HHAT: variants seen among roughly 807,000 people sequenced by gnomAD.
The protein encoded by HHAT is protein-cysteine N-palmitoyltransferase HHAT.
Under a neutral mutation model 70.8 loss-of-function variants are expected in HHAT, and 47 were observed. The observed-to-expected ratio is 0.66, with a 90% CI of 0.53 to 0.85. The LOEUF (loss-of-function observed/expected upper bound fraction) is 0.85, where lower values mean the gene tolerates loss of function less well. Ranked by LOEUF, HHAT falls within the 40% of genes least tolerant of loss-of-function variation. The pLI is 0.00. For missense variants in HHAT, 609 were observed against 604.8 expected (o/e 1.01, Z -0.07); for synonymous variants, 228 against 247.6 (o/e 0.92, Z 0.74).
chr1:210,509,835 T>C lies in HHAT; in HGVS notation c.1008-3318T>C, dbSNP rs977269029. Among the ~76,000 whole-genome samples, 3 of 152,222 alleles carry C rather than the reference T, an allele frequency of 2.0e-5. No individual in the cohort carries two copies. In the South Asian group the frequency reaches 6.2e-4, roughly 32 times the overall value. ...AAAGCTTGTGTATATTCTACTCATA[T>C]CTTGTAGTCATTGCAAAGGCTCTTA... On this transcript the variant is annotated intron_variant, in intron 8 of 11. Transcript: ENST00000261458.
chr1:210,659,201 AAAG>A (rs1299820165), intron 11 of HHAT, among the ~76,000 whole-genome samples: 6 of 152,246 alleles, frequency 3.9e-5, no homozygotes, highest in African/African-American at 1.4e-4. Context: ...CAAGACTAAC[AAAG>A]AAGAAAACAG....
At chr1:210,620,574 T>C (rs1347558161) in intron 10 of HHAT, among the ~76,000 whole-genome samples, 1 of 152,192 alleles carries the variant, frequency 6.6e-6, no homozygotes, top group African/African-American at 2.4e-5. Flanking sequence ...TGGCTAGTTT[T>C]GTCAGAGGAT....
chr1:210,471,986 G>A lies in HHAT; in HGVS notation c.1007+7331G>A, dbSNP rs183309383. On this transcript the variant is annotated intron_variant, in intron 8 of 11. Coordinates refer to ENST00000261458, the MANE Select transcript of HHAT (RefSeq NM_018194.6). ...TAGTTACTGTAATTACAGATAATCCGGGGAAATGGACAAATATTAAGAACA... is the reference window on the plus strand; with the variant it reads ...TAGTTACTGTAATTACAGATAATCCAGGGAAATGGACAAATATTAAGAACA... Among the ~76,000 whole-genome samples the A allele has an allele frequency of 1.4e-3, 220 of 152,122 alleles. 3 individuals carry two copies. The highest frequency in any genetic ancestry group is 2.9e-4 in the Non-Finnish European group (20 of 68,012).
intron 9 of HHAT, among the ~76,000 whole-genome samples, chr1:210,540,235 C>A (rs1413919111): frequency 6.6e-6 from 1 of 152,132 alleles, no homozygotes; most frequent in Non-Finnish European, 1.5e-5. Flanking sequence ...AGGCAATAAT[C>A]CTGTAATCTG....
intron 4 of HHAT, among the ~76,000 whole-genome samples, chr1:210,395,231 A>C (rs926582): frequency 6.6e-6 from 1 of 152,022 alleles, no homozygotes; most frequent in East Asian, 1.9e-4. Context: ...TCCTCCCTAC[A>C]GAGGTAAACT....
At chr1:210,338,181 A>AT (rs566056207) in intron 1 of HHAT, among the ~76,000 whole-genome samples, 2 of 99,352 alleles carry the variant, frequency 2.0e-5, no homozygotes, top group Non-Finnish European at 4.1e-5. Context: ...ACCCGCCCCC[A>AT]TTTAAAAAAA....
chr1:210,648,447 G>T (rs553729831), intron 11 of HHAT, among the ~76,000 whole-genome samples: 36 of 152,306 alleles, frequency 2.4e-4, no homozygotes, highest in African/African-American at 8.7e-4. Context: ...CCCCAGCAGT[G>T]TACTTGGTGA....
chr1:210,341,346 A>G (rs1337873912), intron 1 of HHAT, among the ~76,000 whole-genome samples: 1 of 152,234 alleles, frequency 6.6e-6, no homozygotes, highest in Admixed American at 6.5e-5. Flanking sequence ...AGTTGCCTGC[A>G]TCAGAAGTAA....
At chr1:210,423,234 A>G (rs77574945) in intron 7 of HHAT, among the ~76,000 whole-genome samples, 3,962 of 152,020 alleles carry the variant, frequency 0.026, 178 homozygotes, top group African/African-American at 0.091. Flanking sequence ...ACCATTTGTT[A>G]TTTTTTTGGC....
rs558921163 is a variant in HHAT, at chr1:210,614,750, T to C, written c.1246-8776T>C. Among the ~76,000 whole-genome samples, 620 of 142,268 alleles carry C rather than the reference T, an allele frequency of 4.4e-3. 6 individuals are homozygous for C. The highest frequency in any genetic ancestry group is 0.015 in the African/African-American group (594 of 38,882). The allele number at this position is 142,268 out of a possible 152,430, so 93.3% of individuals were successfully genotyped here. A position where few individuals can be genotyped will look rare whatever the true frequency, so the allele number is the denominator to read the frequency against. On this transcript the variant is annotated intron_variant, in intron 10 of 11. Transcript: ENST00000261458. The stretch of plus-strand genomic sequence containing the variant: ...TACAAAGGACATGAACTCATCATTT[T>C]TTATGGCTGCATAGTATTCCATGGT...
At chr1:210,512,579 G>T (rs75621886) in intron 8 of HHAT, among the ~76,000 whole-genome samples, 2,542 of 151,790 alleles carry the variant, frequency 0.017, 32 homozygotes, top group Non-Finnish European at 0.024. Flanking sequence ...GGCTGAGGTG[G>T]GAGGATTGGT....
At chr1:210,503,782 T>TC (rs151105044) in intron 8 of HHAT, among the ~76,000 whole-genome samples, 12,427 of 152,242 alleles carry the variant, frequency 0.082, 641 homozygotes, top group Non-Finnish European at 0.11. Context: ...CGGTGACCTT[T>TC]CATTTGGCAA....
intron 8 of HHAT, among the ~76,000 whole-genome samples, chr1:210,498,274 T>C (rs1225728325): frequency 6.6e-6 from 1 of 152,224 alleles, no homozygotes; most frequent in Admixed American, 6.5e-5. Flanking sequence ...TTCTATTAAA[T>C]GTAGTAAATT....
At chr1:210,590,542 CAAAAAAAAAAAA>C (rs55690211) in intron 10 of HHAT, 1 of 40,594 alleles carries the variant, frequency 2.5e-5, no homozygotes, top group Non-Finnish European at 4.7e-5. Context: ...AGTTCCAGTC[CAAAAAAAAAAAA>C]AAAAAAAAAA....
In HHAT at chr1:210,502,027, T is replaced by C. The variant is rs1205419035; in HGVS notation, c.1008-11126T>C. Among the ~76,000 whole-genome samples the C allele has an allele frequency of 7.4e-4, 11 of 14,820 alleles. 1 individual carries two copies. In the South Asian group the frequency reaches 0.024, roughly 33 times the overall value. The allele number at this position is 14,820 out of a possible 152,430, so 9.7% of individuals were successfully genotyped here. A position where few individuals can be genotyped will look rare whatever the true frequency, so the allele number is the denominator to read the frequency against. On this transcript the variant is annotated intron_variant, in intron 8 of 11. Transcript: ENST00000261458. ...TTAGGTCTCCTCTATTCTTCTTCTT[T>C]TTTTTTTTTTTTAAGTGGAATGTTA...
Position 210,400,650 on chromosome 1 carries a change from G to A in HHAT, c.456G>A (p.Val152=), listed in dbSNP as rs1259776341. The change falls in exon 5 of 12, where the codon GTG becomes GTA. Residue 152 remains valine, a synonymous_variant. Coordinates refer to ENST00000261458, the MANE Select transcript of HHAT (RefSeq NM_018194.6). The stretch of plus-strand genomic sequence containing the variant: ...TCTCCACACTGAGGCTGCAGGGTGT[G>A]GAAGAAGTTAAGGTAAGTGTTTTCC... ...LLLSTLRLQG[V]EEVKRRWYKT... 1 of 1,612,752 alleles carries A rather than the reference G, an allele frequency of 6.2e-7. No individual in the cohort carries two copies. The highest frequency in any genetic ancestry group is 1.3e-5 in the African/African-American group (1 of 74,990).
chr1:210,377,968 T>C (rs1377929267), intron 3 of HHAT, among the ~76,000 whole-genome samples: 2 of 152,266 alleles, frequency 1.3e-5, no homozygotes, highest in Non-Finnish European at 2.9e-5. Flanking sequence ...GCATTTTATC[T>C]TTAAGAAAGT....
At chr1:210,464,227 T>G (rs61061501) in intron 7 of HHAT, among the ~76,000 whole-genome samples, 1 of 152,184 alleles carries the variant, frequency 6.6e-6, no homozygotes, top group Non-Finnish European at 1.5e-5. Context: ...TTTAATGCAA[T>G]GTACACATTT....
intron 6 of HHAT, among the ~76,000 whole-genome samples, 161 bp downstream of exon 6, chr1:210,404,840 A>C (rs1217491544): frequency 6.6e-6 from 1 of 152,170 alleles, no homozygotes; most frequent in Non-Finnish European, 1.5e-5. Context: ...GATGAAATAC[A>C]TATGAGAAAT....
Sources: allele counts gnomAD v4.1 joint callset (sites outside exome capture counted in the v4.1 genomes callset), GRCh38; gene constraint gnomAD v4.1.1; transcripts MANE v1.5; gene names NCBI Gene and HGNC (gene_info 2026-07-23, HGNC 2026-07-21).